The following MAP3K7CL variants were observed in gnomAD, a reference collection of about 807,000 sequenced individuals.
MAP3K7CL encodes the protein MAP3K7 C-terminal like, also known as MAP3K7 C-terminal-like protein.
Under a neutral mutation model 18.6 loss-of-function variants are expected in MAP3K7CL, and 16 were observed. The ratio of observed to expected loss-of-function variants is 0.86; its 90% CI spans 0.58 to 1.31. The LOEUF is 1.31. MAP3K7CL is among the 50% of genes most tolerant of loss of function. The probability of loss-of-function intolerance (pLI) is 0.00; values close to 1 mark genes in which losing one functional copy is unlikely to be tolerated. For missense variants in MAP3K7CL, 163 were observed against 174.4 expected (o/e 0.93, Z 0.37); for synonymous variants, 65 against 66.8 (o/e 0.97, Z 0.13).
intron 3 of MAP3K7CL, chr21:29,092,276 C>T (rs1353442237): frequency 4.4e-6 from 3 of 682,760 alleles, no homozygotes; most frequent in Admixed American, 2.9e-5. Context: ...TGCTCTTTCC[C>T]CTGATGAGAA....
intron 2 of MAP3K7CL, among the ~76,000 whole-genome samples, chr21:29,140,719 G>T (rs1011056578): frequency 6.6e-6 from 1 of 152,164 alleles, no homozygotes; most frequent in Non-Finnish European, 1.5e-5. Flanking sequence ...AAAAGAAGGG[G>T]TAAATTTTAT....
intron 4 of MAP3K7CL, among the ~76,000 whole-genome samples, chr21:29,098,026 T>C (rs1403836498): frequency 4.6e-5 from 7 of 152,176 alleles, no homozygotes; most frequent in Admixed American, 6.5e-5. Context: ...GAATTAATTA[T>C]AATTAAATAA....
chr21:29,101,497 C>T (rs1190872724), intron 4 of MAP3K7CL, among the ~76,000 whole-genome samples: 1 of 152,218 alleles, frequency 6.6e-6, no homozygotes, highest in Admixed American at 6.5e-5. Flanking sequence ...GCAAGCTCCA[C>T]CTCCCGGATT....
At chr21:29,115,432 C>T (rs985519947) in intron 4 of MAP3K7CL, among the ~76,000 whole-genome samples, 1 of 151,952 alleles carries the variant, frequency 6.6e-6, no homozygotes. Flanking sequence ...AGTAGAGGGC[C>T]TTAGTTGGAA....
chr21:29,090,542 G>A (rs891828491), intron 1 of MAP3K7CL, among the ~76,000 whole-genome samples: 1 of 152,038 alleles, frequency 6.6e-6, no homozygotes, highest in African/African-American at 2.4e-5. Context: ...ACCATGCCCG[G>A]CTAATTTTTT....
At chr21:29,150,258 T>G (rs2087238702) in intron 3 of MAP3K7CL, among the ~76,000 whole-genome samples, 1 of 152,150 alleles carries the variant, frequency 6.6e-6, no homozygotes, top group African/African-American at 2.4e-5. Context: ...GCCAAGATAG[T>G]GTTCCTTTTT....
chr21:29,162,638 G>A (rs1453764432), intron 4 of MAP3K7CL, among the ~76,000 whole-genome samples: 2 of 150,456 alleles, frequency 1.3e-5, no homozygotes, highest in African/African-American at 2.5e-5. Flanking sequence ...AGCTGAGATC[G>A]TGCCATTGCA....
At chr21:29,082,876 C>T (rs1235506132), upstream of MAP3K7CL, among the ~76,000 whole-genome samples, 1 of 151,850 alleles carries the variant, frequency 6.6e-6, no homozygotes, top group Non-Finnish European at 1.5e-5. Context: ...ATTTACCTTG[C>T]AGGATTCACT....
intron 4 of MAP3K7CL, among the ~76,000 whole-genome samples, chr21:29,172,880 T>C (rs2087876883): frequency 7.9e-6 from 1 of 126,780 alleles, no homozygotes; most frequent in African/African-American, 3.0e-5. Flanking sequence ...ACAGGCTTAT[T>C]TCCAATATAA....
intron 2 of MAP3K7CL, among the ~76,000 whole-genome samples, chr21:29,147,803 T>C (rs1379284623): frequency 6.6e-6 from 1 of 151,820 alleles, no homozygotes; most frequent in Non-Finnish European, 1.5e-5. Flanking sequence ...CTGTACTGTA[T>C]ATGTGTACTG....
At chr21:29,093,601 C>G (rs550203330) in intron 4 of MAP3K7CL, among the ~76,000 whole-genome samples, 17 of 152,136 alleles carry the variant, frequency 1.1e-4, no homozygotes, top group Non-Finnish European at 2.5e-4. Context: ...CCTGCCTCAG[C>G]CTCCCGAGTA....
upstream of MAP3K7CL, among the ~76,000 whole-genome samples, chr21:29,125,649 G>A (rs891234106): frequency 1.3e-5 from 2 of 152,178 alleles, no homozygotes; most frequent in African/African-American, 4.8e-5. Context: ...GTGGTGTCTT[G>A]TTTTTGTCGT....
At chr21:29,126,296 T>C (rs2086680360), upstream of MAP3K7CL, among the ~76,000 whole-genome samples, 1 of 152,226 alleles carries the variant, frequency 6.6e-6, no homozygotes, top group Non-Finnish European at 1.5e-5. Flanking sequence ...AACACAGCCA[T>C]GTGCATTTGT....
chr21:29,106,925 C>T (rs796204591), intron 4 of MAP3K7CL, among the ~76,000 whole-genome samples: 7 of 152,294 alleles, frequency 4.6e-5, no homozygotes, highest in South Asian at 2.1e-4. Context: ...GTCCAAGCTG[C>T]GGCTTGTTGG....
intron 2 of MAP3K7CL, among the ~76,000 whole-genome samples, chr21:29,141,356 A>G (rs771379760): frequency 2.6e-5 from 4 of 151,288 alleles, no homozygotes; most frequent in Non-Finnish European, 5.9e-5. Context: ...TACTAAAAAT[A>G]CAAAAAATTA....
In MAP3K7CL at chr21:29,092,569, A is replaced by G. The variant is rs757578574; in HGVS notation, c.358A>G (p.Ser120Gly). 35 of 1,613,966 alleles carry G rather than the reference A, an allele frequency of 2.2e-5. No individual in the cohort carries two copies. In the East Asian group the frequency reaches 4.0e-4, roughly 18 times the overall value. The change falls in exon 4 of 7, where the codon AGC becomes GGC. Residue 120 changes from serine (S) to glycine (G), a missense_variant. Ser to Gly is a moderately conservative substitution (Grantham distance 56, BLOSUM62 0). Transcript: ENST00000286791. ...TATTACTGTGCCCGTGGAAATCCCCAGCTCCCCTCTGGGTGAGTATTCCGT... is the reference window on the plus strand; with the variant it reads ...TATTACTGTGCCCGTGGAAATCCCCGGCTCCCCTCTGGGTGAGTATTCCGT...
chr21:29,165,360 TG>T, intron 4 of MAP3K7CL, among the ~76,000 whole-genome samples: 1 of 152,284 alleles, frequency 6.6e-6, no homozygotes, highest in African/African-American at 2.4e-5. Flanking sequence ...AATATGTTTT[TG>T]GGGCACAGGT....
intron 1 of MAP3K7CL, among the ~76,000 whole-genome samples, chr21:29,088,457 C>T (rs1237436399): frequency 1.3e-5 from 2 of 152,122 alleles, no homozygotes; most frequent in African/African-American, 4.8e-5. Flanking sequence ...TGAGTTATTC[C>T]AAATTCCCTT....
chr21:29,137,126 TATG>T (rs1166423050), intron 2 of MAP3K7CL, among the ~76,000 whole-genome samples: 7 of 152,228 alleles, frequency 4.6e-5, no homozygotes, highest in Non-Finnish European at 7.3e-5. Context: ...CCCCTGAAAT[TATG>T]ATAATTGATT....
Sources: gnomAD v4.1 joint callset for allele counts (sites outside exome capture counted in the v4.1 genomes callset) on GRCh38, gnomAD v4.1.1 for gene constraint, MANE v1.5 for transcripts, NCBI Gene and HGNC (gene_info 2026-07-23, HGNC 2026-07-21) for gene names.